The following LRRTM4 variants were observed in gnomAD, a reference collection of about 807,000 sequenced individuals.
The protein encoded by LRRTM4 is leucine-rich repeat transmembrane neuronal protein 4.
Under a neutral mutation model 47.6 loss-of-function variants are expected in LRRTM4, and 25 were observed. The ratio of observed to expected loss-of-function variants is 0.53; its 90% CI spans 0.38 to 0.73. LRRTM4 has a LOEUF of 0.73. Ranked by LOEUF, LRRTM4 falls within the 30% of genes least tolerant of loss-of-function variation. LRRTM4 has a pLI of 0.00. For missense variants in LRRTM4, 638 were observed against 713.4 expected (o/e 0.89, Z 1.20); for synonymous variants, 311 against 269.5 (o/e 1.15, Z -1.51).
At chr2:77,490,515 G>A (rs1678103863) in intron 3 of LRRTM4, among the ~76,000 whole-genome samples, 1 of 152,090 alleles carries the variant, frequency 6.6e-6, no homozygotes, top group Admixed American at 6.5e-5. Flanking sequence ...GTACTTTCTG[G>A]GAGGTGCAAT....
At position 76,783,540 on chromosome 2, in the gene LRRTM4, G is replaced by A. The variant is rs907984687; in HGVS notation, c.1552-34624C>T. Among the ~76,000 whole-genome samples, 107 of 152,032 alleles carry A rather than the reference G, an allele frequency of 7.0e-4. 1 individual carries two copies. Among genetic ancestry groups the A allele is most frequent in the East Asian group, 3.9e-4 (2 of 5,174 alleles). On this transcript the variant is annotated intron_variant, in intron 3 of 3. Coordinates refer to ENST00000409884, the MANE Select transcript of LRRTM4 (RefSeq NM_001134745.3). ...TGTACCTATTAAGGCGTAACTCCCCGTATTCTCCCTCCCTGGCCCATGGCA... is the reference window on the plus strand; with the variant it reads ...TGTACCTATTAAGGCGTAACTCCCCATATTCTCCCTCCCTGGCCCATGGCA...
chr2:76,978,604 T>G (rs193059107), intron 3 of LRRTM4, among the ~76,000 whole-genome samples: 9 of 152,170 alleles, frequency 5.9e-5, no homozygotes, highest in Non-Finnish European at 1.2e-4. Flanking sequence ...CCTTTGTTCA[T>G]TCTGTCATTT....
At chr2:76,891,227 AT>A (rs1673243487) in intron 3 of LRRTM4, among the ~76,000 whole-genome samples, 1 of 151,750 alleles carries the variant, frequency 6.6e-6, no homozygotes, top group African/African-American at 2.4e-5. Context: ...AAACAAAAAA[AT>A]CTTTAGTTAA....
At chr2:77,055,050 A>T (rs1679556971) in intron 3 of LRRTM4, among the ~76,000 whole-genome samples, 1 of 152,174 alleles carries the variant, frequency 6.6e-6, no homozygotes, top group Non-Finnish European at 1.5e-5. Flanking sequence ...GAGCCCTGTG[A>T]TAGCTGGCTC....
At chr2:77,518,020 GTGTTTT>G in intron 3 of LRRTM4, 1 of 1,110,638 alleles carries the variant, frequency 9.0e-7, no homozygotes, top group Non-Finnish European at 1.1e-6. Context: ...GTTTGTATGT[GTGTTTT>G]TAAGTCCAAC....
chr2:77,470,384 C>G (rs1383299872), intron 3 of LRRTM4, among the ~76,000 whole-genome samples: 1 of 151,990 alleles, frequency 6.6e-6, no homozygotes, highest in Non-Finnish European at 1.5e-5. Flanking sequence ...AAACAGAGAC[C>G]AAATAACACA....
chr2:77,515,563 A>T (rs772027818), intron 3 of LRRTM4, among the ~76,000 whole-genome samples: 3 of 151,786 alleles, frequency 2.0e-5, no homozygotes, highest in Non-Finnish European at 4.4e-5. Context: ...CCAATTAAAT[A>T]TTTATGGCTT....
At chr2:76,935,383 T>C (rs1439236991) in intron 3 of LRRTM4, among the ~76,000 whole-genome samples, 1 of 152,184 alleles carries the variant, frequency 6.6e-6, no homozygotes, top group Non-Finnish European at 1.5e-5. Context: ...TTCAATTCTG[T>C]GAAGAAAGTC....
intron 3 of LRRTM4, among the ~76,000 whole-genome samples, chr2:77,243,130 C>T (rs564261801): frequency 1.3e-5 from 2 of 152,078 alleles, no homozygotes; most frequent in South Asian, 2.1e-4. Context: ...AAGATAAATA[C>T]GGCCAGGCAC....
intron 3 of LRRTM4, among the ~76,000 whole-genome samples, chr2:76,807,187 T>G (rs1676011733): frequency 6.6e-6 from 1 of 151,708 alleles, no homozygotes; most frequent in Admixed American, 6.6e-5. Flanking sequence ...AAGAAAATAA[T>G]GAACACTGTT....
intron 3 of LRRTM4, among the ~76,000 whole-genome samples, chr2:77,174,796 C>A (rs1045949666): frequency 6.6e-6 from 1 of 152,020 alleles, no homozygotes; most frequent in Admixed American, 6.6e-5. Context: ...TCCCTCCCCC[C>A]TCGCCCCACC....
intron 3 of LRRTM4, among the ~76,000 whole-genome samples, chr2:77,044,934 T>C (rs533535000): frequency 3.6e-4 from 55 of 151,888 alleles, no homozygotes; most frequent in Admixed American, 2.5e-3. Flanking sequence ...TATGTGTATA[T>C]GTGTGTGTGT....
intron 3 of LRRTM4, among the ~76,000 whole-genome samples, chr2:77,216,350 T>A (rs1218559600): frequency 6.6e-6 from 1 of 152,188 alleles, no homozygotes; most frequent in Non-Finnish European, 1.5e-5. Flanking sequence ...TTAGAAGGAA[T>A]AATAATGTGC....
At chr2:77,319,125 C>T (rs1490052822) in intron 3 of LRRTM4, among the ~76,000 whole-genome samples, 1 of 152,130 alleles carries the variant, frequency 6.6e-6, no homozygotes, top group Non-Finnish European at 1.5e-5. Context: ...TGGCTCATGC[C>T]TGTAAACCTG....
chr2:77,097,641 C>G (rs984757662), intron 3 of LRRTM4, among the ~76,000 whole-genome samples: 1 of 151,884 alleles, frequency 6.6e-6, no homozygotes, highest in Non-Finnish European at 1.5e-5. Context: ...AAATAAAACT[C>G]AAATAATAAA....
At chr2:77,392,220 C>A (rs1470971587) in intron 3 of LRRTM4, among the ~76,000 whole-genome samples, 1 of 152,036 alleles carries the variant, frequency 6.6e-6, no homozygotes, top group Admixed American at 6.6e-5. Flanking sequence ...TCAGGTGGAG[C>A]TTATTCCTTT....
chr2:77,308,022 T>TATTATATATCTATATATCTATATAAC (rs897004615), intron 3 of LRRTM4, among the ~76,000 whole-genome samples: 3 of 141,170 alleles, frequency 2.1e-5, no homozygotes, highest in Non-Finnish European at 4.6e-5. Context: ...ACATATTATA[T>TATTATATATCTATATATCTATATAAC]ATTATATATC....
chr2:77,067,537 A>G (rs1254331806), intron 3 of LRRTM4, among the ~76,000 whole-genome samples: 1 of 152,106 alleles, frequency 6.6e-6, no homozygotes, highest in Non-Finnish European at 1.5e-5. Context: ...AATCTTTTTA[A>G]GTATCAGATG....
At chr2:76,904,159 A>G (rs548772342) in intron 3 of LRRTM4, among the ~76,000 whole-genome samples, 28 of 152,340 alleles carry the variant, frequency 1.8e-4, no homozygotes, top group Non-Finnish European at 3.1e-4. Flanking sequence ...AGACTCAGAC[A>G]TAATTCTTTA....
Sources: gnomAD v4.1 joint callset for allele counts (sites outside exome capture counted in the v4.1 genomes callset) on GRCh38, gnomAD v4.1.1 for gene constraint, MANE v1.5 for transcripts, NCBI Gene and HGNC (gene_info 2026-07-23, HGNC 2026-07-21) for gene names.